The following CABLES1 variants were observed in gnomAD, a reference collection of about 807,000 sequenced individuals.
CABLES1 encodes CDK5 and ABL1 enzyme substrate 1.
CABLES1 carries 36 observed loss-of-function variants against 57.8 expected under a neutral mutation model. The ratio of observed to expected loss-of-function variants is 0.62; its 90% confidence interval spans 0.48 to 0.82. The LOEUF (loss-of-function observed/expected upper bound fraction) is 0.82, where lower values mean the gene tolerates loss of function less well. Ranked by LOEUF, CABLES1 falls within the 40% of genes least tolerant of loss-of-function variation. The pLI is 0.00. For synonymous variants in CABLES1, 374 were observed against 363.0 expected, an observed-to-expected ratio of 1.03 and a Z score of -0.35; for missense variants, 767 against 836.6, an observed-to-expected ratio of 0.92 and a Z score of 1.03.
intron 3 of CABLES1, among the ~76,000 whole-genome samples, chr18:23,196,631 G>A (rs745385886): frequency 3.9e-5 from 6 of 152,210 alleles, no homozygotes; most frequent in Non-Finnish European, 7.4e-5. Context: ...GGAGGCAGCC[G>A]GGGCGTTGGG....
chr18:23,148,589 G>A (rs2046908310), intron 1 of CABLES1, among the ~76,000 whole-genome samples: 1 of 152,194 alleles, frequency 6.6e-6, no homozygotes, highest in African/African-American at 2.4e-5. Context: ...ATGGGGCCCA[G>A]TGCCCATTCC....
At chr18:23,184,237 A>AT (rs903705489) in intron 1 of CABLES1, among the ~76,000 whole-genome samples, 2 of 151,560 alleles carry the variant, frequency 1.3e-5, no homozygotes, top group African/African-American at 4.9e-5. Flanking sequence ...TTGGGCGTGG[A>AT]TTTTTTCCCC....
chr18:23,144,604 T>C (rs1400013123), intron 1 of CABLES1, among the ~76,000 whole-genome samples: 2 of 152,220 alleles, frequency 1.3e-5, no homozygotes, highest in African/African-American at 4.8e-5. Context: ...ACAGGTTGCC[T>C]ACTTTAGAGC....
intron 4 of CABLES1, among the ~76,000 whole-genome samples, chr18:23,225,669 C>T (rs1360988855): frequency 6.6e-6 from 1 of 152,224 alleles, no homozygotes; most frequent in Non-Finnish European, 1.5e-5. Context: ...CAGCCTTAAA[C>T]CAGCTCCTTT....
chr18:23,148,525 C>G (rs1214480393), intron 1 of CABLES1, among the ~76,000 whole-genome samples: 2 of 152,308 alleles, frequency 1.3e-5, no homozygotes, highest in East Asian at 3.9e-4. Flanking sequence ...ACTTCTATGT[C>G]GATTCTGCAC....
At chr18:23,241,627 ATGTT>A (rs1184351907) in intron 7 of CABLES1, among the ~76,000 whole-genome samples, 8 of 152,204 alleles carry the variant, frequency 5.3e-5, no homozygotes, top group African/African-American at 1.9e-4. Flanking sequence ...GCTGCCATGA[ATGTT>A]CTTGTGCATG....
intron 1 of CABLES1, among the ~76,000 whole-genome samples, chr18:23,177,047 G>A (rs950894122): frequency 3.9e-5 from 6 of 152,096 alleles, no homozygotes; most frequent in Admixed American, 2.0e-4. Flanking sequence ...AGCAAGGTTC[G>A]GTTCTCCCTC....
intron 2 of CABLES1, among the ~76,000 whole-genome samples, chr18:23,192,559 C>A (rs1260679551): frequency 6.6e-6 from 1 of 152,180 alleles, no homozygotes; most frequent in African/African-American, 2.4e-5. Flanking sequence ...CCGCCTGAAC[C>A]CGCACACTGT....
intron 1 of CABLES1, among the ~76,000 whole-genome samples, chr18:23,151,576 A>G (rs533175683): frequency 6.6e-6 from 1 of 152,306 alleles, no homozygotes; most frequent in East Asian, 1.9e-4. Context: ...GAAGCTCTTG[A>G]GTAATCCACC....
intron 2 of CABLES1, among the ~76,000 whole-genome samples, chr18:23,191,906 TAAAAAAAAAAAAAAAAAA>T (rs147984743): frequency 0.59 from 53,398 of 90,044 alleles, 13,100 homozygotes; most frequent in Middle Eastern, 0.7. Flanking sequence ...GTTGAATGCT[TAAAAAAAAAAAAAAAAAA>T]AAAAAAAAAA....
intron 3 of CABLES1, among the ~76,000 whole-genome samples, chr18:23,207,991 G>C (rs2047376620): frequency 6.6e-6 from 1 of 152,144 alleles, no homozygotes; most frequent in African/African-American, 2.4e-5. Flanking sequence ...CCAGTTCCCT[G>C]GCTCCAGATG....
intron 3 of CABLES1, among the ~76,000 whole-genome samples, chr18:23,203,587 T>C (rs1199028541): frequency 2.6e-5 from 4 of 152,130 alleles, no homozygotes; most frequent in African/African-American, 9.7e-5. Flanking sequence ...CAAAACATTT[T>C]GGAGGGAAAA....
intron 1 of CABLES1, among the ~76,000 whole-genome samples, chr18:23,187,648 A>T (rs1293328230): frequency 6.6e-6 from 1 of 152,152 alleles, no homozygotes; most frequent in Non-Finnish European, 1.5e-5. Context: ...CGGCCTCCCA[A>T]AGTGCTGGGA....
chr18:23,158,164 T>C (rs1320622561), intron 1 of CABLES1, among the ~76,000 whole-genome samples: 2 of 149,348 alleles, frequency 1.3e-5, no homozygotes, highest in African/African-American at 4.9e-5. Flanking sequence ...TAGCTGGGTG[T>C]AGTGGTGTGC....
chr18:23,241,338 C>T (rs551414572), intron 7 of CABLES1, among the ~76,000 whole-genome samples: 11 of 151,982 alleles, frequency 7.2e-5, no homozygotes, highest in Non-Finnish European at 1.5e-4. Flanking sequence ...TAAGACCAGC[C>T]TGGCTAACGT....
intron 1 of CABLES1, among the ~76,000 whole-genome samples, chr18:23,188,503 C>T (rs915738086): frequency 4.6e-5 from 7 of 151,420 alleles, no homozygotes; most frequent in South Asian, 2.1e-4. Context: ...CTGCACACAG[C>T]GCTCAAGTTA....
intron 3 of CABLES1, chr18:23,197,812 T>A (rs2145030916): frequency 6.6e-6 from 1 of 152,250 alleles, no homozygotes; most frequent in South Asian, 2.1e-4. Flanking sequence ...AACACTGGAT[T>A]TTAGGAACAC....
intron 7 of CABLES1, among the ~76,000 whole-genome samples, chr18:23,242,984 G>T (rs1000807985): frequency 1.3e-5 from 2 of 151,590 alleles, no homozygotes; most frequent in Non-Finnish European, 2.9e-5. Flanking sequence ...ATTAGATTCT[G>T]CCTGTCCCCC....
chr18:23,243,600 C>T lies in CABLES1; in HGVS notation c.1446+6355C>T, dbSNP rs533243667. On this transcript the variant is annotated intron_variant, in intron 7 of 9. Transcript: ENST00000256925. ...TTTCTCATAAAACTAACACAGGCCTCGGTGGCTCATGCCTGTAATCCCAGC... is the reference window on the plus strand; with the variant it reads ...TTTCTCATAAAACTAACACAGGCCTTGGTGGCTCATGCCTGTAATCCCAGC... Among the ~76,000 whole-genome samples, 4 of 151,458 alleles carry T rather than the reference C, an allele frequency of 2.6e-5. No individual in the cohort carries two copies. The East Asian group carries it at 5.8e-4, about 22-fold the overall frequency.
Sources: gnomAD v4.1 joint callset for allele counts (sites outside exome capture counted in the v4.1 genomes callset) on GRCh38, gnomAD v4.1.1 for gene constraint, MANE v1.5 for transcripts, NCBI Gene and HGNC (gene_info 2026-07-23, HGNC 2026-07-21) for gene names.